Variants in HERC6 observed in about 807,000 individuals in gnomAD.
The protein encoded by HERC6 is probable E3 ubiquitin-protein ligase HERC6.
Under a neutral mutation model 114.5 loss-of-function variants are expected in HERC6, and 101 were observed. That is an observed-to-expected ratio of 0.88 (90% CI 0.75 to 1.04). The LOEUF (loss-of-function observed/expected upper bound fraction) is 1.04, where lower values mean the gene tolerates loss of function less well. Ranked by LOEUF, HERC6 falls within the 50% of genes least tolerant of loss-of-function variation. The pLI is 0.00. For synonymous variants in HERC6, 408 were observed against 436.2 expected, an observed-to-expected ratio of 0.94 and a Z score of 0.81; for missense variants, 1,133 against 1,230.9, an observed-to-expected ratio of 0.92 and a Z score of 1.19.
At chr4:88,411,510 T>C (rs374100603) in intron 11 of HERC6, among the ~76,000 whole-genome samples, 1 of 152,222 alleles carries the variant, frequency 6.6e-6, no homozygotes, top group African/African-American at 2.4e-5. Flanking sequence ...AGAATTTTAA[T>C]GTAATAAAAA....
At chr4:88,435,514 C>T (rs1738643372) in intron 17 of HERC6, among the ~76,000 whole-genome samples, 2 of 151,974 alleles carry the variant, frequency 1.3e-5, no homozygotes, top group South Asian at 4.1e-4. Context: ...ATTTAATGTT[C>T]TGAACTATCA....
intron 8 of HERC6, chr4:88,398,638 G>A (rs1267234924): frequency 6.5e-5 from 10 of 154,228 alleles, no homozygotes; most frequent in Non-Finnish European, 1.0e-4. Flanking sequence ...ATGTGTGTGA[G>A]TGTGCAGGGG....
chr4:88,438,705 T>G (rs1459673761), intron 20 of HERC6, among the ~76,000 whole-genome samples: 4 of 152,132 alleles, frequency 2.6e-5, no homozygotes, highest in African/African-American at 9.7e-5. Flanking sequence ...TGTTAAGAGT[T>G]TATTATCAAA....
chr4:88,388,651 A>G (rs1231674325), intron 3 of HERC6, among the ~76,000 whole-genome samples: 2 of 152,090 alleles, frequency 1.3e-5, no homozygotes, highest in Non-Finnish European at 2.9e-5. Flanking sequence ...CAATGCTCCA[A>G]TGGGGTAGAG....
rs1578359437 is a variant in HERC6 at position 88,378,855 on chromosome 4, A to G, written c.-67A>G. On this transcript the variant is annotated 5_prime_UTR_variant, in exon 1 of 23. Coordinates refer to ENST00000264346, the MANE Select transcript of HERC6 (RefSeq NM_017912.4). ...GGAAATCATCGCGCACCCAGTCACC[A>G]GCGTTCGGGAGCCTGTCGCAGCGGG... 7.0e-7 allele frequency: 1 copy of G among 1,420,316 alleles called. No homozygotes were observed. The highest frequency in any genetic ancestry group is 9.4e-7 in the Non-Finnish European group (1 of 1,058,554). The allele number at this position is 1,420,316 out of a possible 1,614,324, so 88.0% of individuals were successfully genotyped here.
intron 1 of HERC6, among the ~76,000 whole-genome samples, chr4:88,380,302 T>A (rs897272542): frequency 1.1e-4 from 4 of 35,314 alleles, no homozygotes; most frequent in Non-Finnish European, 1.9e-4. Flanking sequence ...TATATAAATA[T>A]ATATATAATA....
chr4:88,403,015 A>G (rs766853571), intron 8 of HERC6, among the ~76,000 whole-genome samples: 8 of 152,238 alleles, frequency 5.3e-5, no homozygotes, highest in Non-Finnish European at 8.8e-5. Context: ...TTCCTGGCTC[A>G]TAACAAGTGC....
intron 1 of HERC6, among the ~76,000 whole-genome samples, chr4:88,379,856 TAGCATATA>T (rs1734100801): frequency 1.8e-5 from 1 of 54,178 alleles, no homozygotes; most frequent in African/African-American, 8.1e-5. Flanking sequence ...AATATATATA[TAGCATATA>T]AATATATATA....
chr4:88,382,790 T>C (rs796775366), intron 1 of HERC6, among the ~76,000 whole-genome samples: 6 of 152,250 alleles, frequency 3.9e-5, no homozygotes, highest in African/African-American at 1.4e-4. Flanking sequence ...AAATACTTGA[T>C]TGGTTAAAGT....
chr4:88,381,545 C>G (rs1734320597), intron 1 of HERC6, among the ~76,000 whole-genome samples: 1 of 145,332 alleles, frequency 6.9e-6, no homozygotes, highest in South Asian at 2.2e-4. Context: ...CTTAGGTGAC[C>G]CTTCTCTTCT....
chr4:88,432,690 T>C (rs1462622282), intron 17 of HERC6, among the ~76,000 whole-genome samples: 1 of 148,626 alleles, frequency 6.7e-6, no homozygotes, highest in East Asian at 2.0e-4. Flanking sequence ...GATTGCGCCA[T>C]AGCACCCCAG....
intron 3 of HERC6, among the ~76,000 whole-genome samples, chr4:88,388,878 C>T (rs1046462104): frequency 5.9e-5 from 9 of 152,168 alleles, no homozygotes; most frequent in African/African-American, 1.9e-4. Flanking sequence ...ATCTCCCACA[C>T]AAAAGACAGC....
At chr4:88,393,962 A>G in intron 5 of HERC6, among the ~76,000 whole-genome samples, 1 of 152,172 alleles carries the variant, frequency 6.6e-6, no homozygotes, top group South Asian at 2.1e-4. Flanking sequence ...CCCATCTCCT[A>G]ATATCATGGC....
At position 88,378,887 on chromosome 4, in the gene HERC6, G is replaced by A. The variant is rs748006966; in HGVS notation, c.-35G>A. 1.3e-6 allele frequency: 2 copies of A among 1,535,732 alleles called. No homozygotes were observed. Among genetic ancestry groups the A allele is most frequent in the Admixed American group, 2.0e-5 (1 of 49,538 alleles). Reference sequence around the variant, plus strand: ...GGGAGCCTGTCGCAGCGGGACCGACGGAATCCGGAGCAGGCGACAGGGCGC... The same window carrying A: ...GGGAGCCTGTCGCAGCGGGACCGACAGAATCCGGAGCAGGCGACAGGGCGC... On this transcript the variant is annotated 5_prime_UTR_variant, in exon 1 of 23. Transcript: ENST00000264346.
intron 13 of HERC6, among the ~76,000 whole-genome samples, chr4:88,423,110 T>A (rs1737236581): frequency 6.6e-6 from 1 of 152,022 alleles, no homozygotes. Context: ...TTTTTCTTTT[T>A]TAAAGACGCA....
At chr4:88,391,177 G>T (rs956910689) in intron 4 of HERC6, among the ~76,000 whole-genome samples, 1 of 152,172 alleles carries the variant, frequency 6.6e-6, no homozygotes, top group African/African-American at 2.4e-5. Context: ...CAGGCTCTGA[G>T]GGAGAATCCA....
chr4:88,417,377 G>C (rs768586619), intron 12 of HERC6, 48 bp from the exon 13 acceptor site: 18 of 1,548,862 alleles, frequency 1.2e-5, no homozygotes, highest in Non-Finnish European at 1.6e-5. Flanking sequence ...AGAGATTTGG[G>C]GGGTGGTAGG....
chr4:88,428,013 T>G (rs574532341), intron 15 of HERC6, among the ~76,000 whole-genome samples: 72 of 152,342 alleles, frequency 4.7e-4, no homozygotes, highest in African/African-American at 1.6e-3. Flanking sequence ...TACTATTTAG[T>G]GTGACCAGGA....
chr4:88,387,006 A>G (rs1734620886), intron 3 of HERC6, among the ~76,000 whole-genome samples: 1 of 152,226 alleles, frequency 6.6e-6, no homozygotes, highest in Admixed American at 6.5e-5. Flanking sequence ...CAACTGTGCC[A>G]TGGTCTATGG....
Sources: allele counts gnomAD v4.1 joint callset (sites outside exome capture counted in the v4.1 genomes callset), GRCh38; gene constraint gnomAD v4.1.1; transcripts MANE v1.5; gene names NCBI Gene and HGNC (gene_info 2026-07-23, HGNC 2026-07-21).